Variants in ITGA8 observed in about 807,000 individuals in gnomAD.
ITGA8 encodes the protein integrin alpha-8.
ITGA8 carries 91 observed loss-of-function variants against 142.3 expected under a neutral mutation model. That is an observed-to-expected ratio of 0.64 (90% confidence interval 0.54 to 0.76). The LOEUF (loss-of-function observed/expected upper bound fraction) is 0.76. Among genes scored for constraint, ITGA8 ranks in the 30% least tolerant of loss-of-function variants. The pLI is 0.00. For synonymous variants in ITGA8, 505 were observed against 485.2 expected (o/e 1.04, Z -0.54); for missense variants, 1,406 against 1,327.7 (o/e 1.06, Z -0.92).
intron 2 of ITGA8, among the ~76,000 whole-genome samples, chr10:15,698,214 C>T (rs534286708): frequency 2.6e-5 from 4 of 152,316 alleles, no homozygotes; most frequent in Middle Eastern, 3.4e-3. Context: ...CCAATTCCAT[C>T]CAGGTTGCTG....
chr10:15,642,694 A>T (rs1011384627), intron 13 of ITGA8, among the ~76,000 whole-genome samples: 16 of 152,378 alleles, frequency 1.1e-4, no homozygotes, highest in Admixed American at 3.9e-4. Flanking sequence ...AGTATACGAT[A>T]TAATACCAAA....
chr10:15,612,267 C>T (rs142295311), intron 15 of ITGA8, among the ~76,000 whole-genome samples: 17 of 152,242 alleles, frequency 1.1e-4, no homozygotes, highest in African/African-American at 4.1e-4. Flanking sequence ...AAGTCCCCAC[C>T]CTCCACCCTC....
intron 22 of ITGA8, among the ~76,000 whole-genome samples, chr10:15,587,013 C>T (rs1832844141): frequency 6.6e-6 from 1 of 151,854 alleles, no homozygotes; most frequent in South Asian, 2.1e-4. Flanking sequence ...ACCTCTGCCT[C>T]CCCAATTCAA....
intron 27 of ITGA8, among the ~76,000 whole-genome samples, chr10:15,537,495 T>G (rs552371903): frequency 6.6e-6 from 1 of 152,314 alleles, no homozygotes; most frequent in South Asian, 2.1e-4. Context: ...GCACTAAATA[T>G]TTATTGTTTC....
At chr10:15,689,517 G>A (rs1379754790) in intron 2 of ITGA8, among the ~76,000 whole-genome samples, 1 of 152,110 alleles carries the variant, frequency 6.6e-6, no homozygotes, top group Non-Finnish European at 1.5e-5. Flanking sequence ...TCTTTGCTTC[G>A]GGAGAATTCT....
At chr10:15,623,600 C>T (rs771448111) in intron 13 of ITGA8, among the ~76,000 whole-genome samples, 5 of 152,090 alleles carry the variant, frequency 3.3e-5, no homozygotes, top group Admixed American at 3.3e-4. Context: ...GCAGGGGAAT[C>T]GCTTGAACCC....
At chr10:15,680,013 A>G (rs1236481714) in intron 4 of ITGA8, among the ~76,000 whole-genome samples, 1 of 152,196 alleles carries the variant, frequency 6.6e-6, no homozygotes, top group Admixed American at 6.5e-5. Context: ...ATATTCCTCA[A>G]TGGAAACTGA....
At chr10:15,649,510 C>T (rs964072698) in intron 11 of ITGA8, among the ~76,000 whole-genome samples, 1 of 151,462 alleles carries the variant, frequency 6.6e-6, no homozygotes, top group Non-Finnish European at 1.5e-5. Context: ...GGTGACTGTA[C>T]CCAGTGACTC....
intron 26 of ITGA8, among the ~76,000 whole-genome samples, chr10:15,557,250 T>C (rs1833903252): frequency 6.6e-6 from 1 of 152,230 alleles, no homozygotes. Flanking sequence ...CATGGTGGCA[T>C]GTGCCTGTAG....
chr10:15,619,296 T>TA (rs1564377439), intron 13 of ITGA8, among the ~76,000 whole-genome samples: 16 of 150,568 alleles, frequency 1.1e-4, no homozygotes, highest in Admixed American at 7.2e-4. Context: ...TTGTTAAAAT[T>TA]TAAAAAAAAA....
intron 28 of ITGA8, among the ~76,000 whole-genome samples, chr10:15,524,736 G>A (rs2131534773): frequency 6.6e-6 from 1 of 152,302 alleles, no homozygotes; most frequent in South Asian, 2.1e-4. Context: ...CAGGACCAAA[G>A]TTTCTTTAAA....
intron 27 of ITGA8, among the ~76,000 whole-genome samples, chr10:15,544,036 G>C (rs1387127445): frequency 6.6e-6 from 1 of 152,176 alleles, no homozygotes. Flanking sequence ...GGTTCATGCG[G>C]CTAAGCCCAG....
At chr10:15,554,748 T>C (rs1174276646) in intron 26 of ITGA8, among the ~76,000 whole-genome samples, 1 of 145,716 alleles carries the variant, frequency 6.9e-6, no homozygotes, top group African/African-American at 2.5e-5. Flanking sequence ...TCTTTCTTTC[T>C]TTTTTTTTTA....
At chr10:15,617,234 A>G (rs1833410132) in intron 13 of ITGA8, among the ~76,000 whole-genome samples, 1 of 152,196 alleles carries the variant, frequency 6.6e-6, no homozygotes, top group Non-Finnish European at 1.5e-5. Context: ...AATTTTGCAA[A>G]TGAGTCAATT....
At chr10:15,575,665 T>C (rs1007878658) in intron 23 of ITGA8, 71 bp from the exon 24 acceptor site, 2 of 1,186,888 alleles carry the variant, frequency 1.7e-6, no homozygotes, top group African/African-American at 3.0e-5. Context: ...GTGGACAGTA[T>C]ACTAACAGAA....
intron 2 of ITGA8, among the ~76,000 whole-genome samples, chr10:15,694,023 C>T (rs527902275): frequency 2.3e-4 from 34 of 150,118 alleles, no homozygotes; most frequent in African/African-American, 4.6e-4. Flanking sequence ...GATCTTGCAG[C>T]GTTACAACTA....
rs180733646 is a variant in ITGA8, at chr10:15,579,765, C to T, written c.2373-4171G>A. Among the ~76,000 whole-genome samples the T allele has an allele frequency of 3.9e-3, 591 of 152,072 alleles. 1 individual carries two copies. The highest frequency in any genetic ancestry group is 6.8e-3 in the Middle Eastern group (2 of 294). Reference sequence around the variant, plus strand: ...AAATATCTGTAAATCAAACAAGTCACTTCCCATGAGTCAACTCATGACTAA... The same window carrying T: ...AAATATCTGTAAATCAAACAAGTCATTTCCCATGAGTCAACTCATGACTAA... On this transcript the variant is annotated intron_variant, in intron 23 of 29. Coordinates refer to ENST00000378076, the MANE Select transcript of ITGA8 (RefSeq NM_003638.3).
chr10:15,630,786 T>C (rs1321994580), intron 13 of ITGA8, among the ~76,000 whole-genome samples: 2 of 151,920 alleles, frequency 1.3e-5, no homozygotes, highest in African/African-American at 2.4e-5. Flanking sequence ...ACAGGAGAAA[T>C]TGACTCCAAC....
At chr10:15,594,153 T>A (rs887528909) in intron 21 of ITGA8, among the ~76,000 whole-genome samples, 12 of 152,118 alleles carry the variant, frequency 7.9e-5, no homozygotes, top group South Asian at 4.2e-4. Context: ...TGAATTTTTT[T>A]AAAAATTCCA....
Sources: allele counts gnomAD v4.1 joint callset (sites outside exome capture counted in the v4.1 genomes callset), GRCh38; gene constraint gnomAD v4.1.1; transcripts MANE v1.5; gene names NCBI Gene and HGNC (gene_info 2026-07-23, HGNC 2026-07-21).